GMDS: variants seen among roughly 807,000 people sequenced by gnomAD.
GMDS encodes GDP-mannose 4,6 dehydratase.
In GMDS, 20 loss-of-function variants were observed where a neutral mutation model predicts 49.9. That is an observed-to-expected ratio of 0.40 (90% confidence interval 0.28 to 0.58). The LOEUF is 0.58. Among genes scored for constraint, GMDS ranks in the 20% least tolerant of loss-of-function variants. The pLI, the probability that GMDS is intolerant of heterozygous loss-of-function variation, is 0.42. For synonymous variants in GMDS, 177 were observed against 178.6 expected (o/e 0.99, Z 0.07); for missense variants, 362 against 481.4 (o/e 0.75, Z 2.32).
chr6:1,968,056 TAAAAC>T (rs1382492742), intron 4 of GMDS, among the ~76,000 whole-genome samples: 2 of 152,138 alleles, frequency 1.3e-5, no homozygotes, highest in African/African-American at 4.8e-5. Flanking sequence ...TCACAGCAAA[TAAAAC>T]AAATGACAAC....
intron 1 of GMDS, among the ~76,000 whole-genome samples, chr6:2,193,255 C>T (rs1459041496): frequency 6.6e-6 from 1 of 152,256 alleles, no homozygotes; most frequent in Non-Finnish European, 1.5e-5. Flanking sequence ...TAAAACCTCA[C>T]TCAAGTTATT....
intron 6 of GMDS, among the ~76,000 whole-genome samples, chr6:1,932,253 A>G (rs1483905716): frequency 6.6e-6 from 1 of 152,210 alleles, no homozygotes; most frequent in African/African-American, 2.4e-5. Flanking sequence ...AATGAGGGCT[A>G]TCGCTGATAG....
intron 7 of GMDS, among the ~76,000 whole-genome samples, chr6:1,819,215 C>T (rs915945667): frequency 2.0e-5 from 3 of 152,078 alleles, no homozygotes; most frequent in South Asian, 4.1e-4. Context: ...CTAAGAAAAG[C>T]GGCATGACTA....
chr6:2,032,571 C>T (rs547673350), intron 4 of GMDS, among the ~76,000 whole-genome samples: 55 of 152,180 alleles, frequency 3.6e-4, no homozygotes, highest in African/African-American at 1.3e-3. Flanking sequence ...TTTACTGATG[C>T]CTACTACACA....
intron 2 of GMDS, among the ~76,000 whole-genome samples, chr6:2,121,724 A>G (rs1775148343): frequency 6.6e-6 from 1 of 152,164 alleles, no homozygotes; most frequent in South Asian, 2.1e-4. Context: ...TTATACTTTC[A>G]TTTTGCTTTT....
chr6:1,978,815 AG>A (rs1765064841), intron 4 of GMDS, among the ~76,000 whole-genome samples: 1 of 151,938 alleles, frequency 6.6e-6, no homozygotes, highest in Non-Finnish European at 1.5e-5. Context: ...ACTTCCAACC[AG>A]GGTCTCCAGC....
intron 4 of GMDS, among the ~76,000 whole-genome samples, chr6:2,049,814 T>C (rs1581572858): frequency 6.6e-6 from 1 of 152,204 alleles, no homozygotes; most frequent in Non-Finnish European, 1.5e-5. Context: ...GAAATAAAGA[T>C]GTTCTTTGAA....
chr6:1,656,545 C>T (rs982458075), intron 9 of GMDS, among the ~76,000 whole-genome samples: 8 of 152,024 alleles, frequency 5.3e-5, no homozygotes, highest in Non-Finnish European at 1.0e-4. Context: ...GGGCAGATCA[C>T]GAGGTCAGGA....
At chr6:1,810,079 G>T (rs559481513) in intron 7 of GMDS, among the ~76,000 whole-genome samples, 1 of 151,960 alleles carries the variant, frequency 6.6e-6, no homozygotes, top group Non-Finnish European at 1.5e-5. Context: ...CCCCTGAGCC[G>T]GGGGTGGGGT....
chr6:1,902,824 A>G (rs1007453320), intron 7 of GMDS, among the ~76,000 whole-genome samples: 3 of 152,220 alleles, frequency 2.0e-5, no homozygotes, highest in Non-Finnish European at 4.4e-5. Flanking sequence ...TCTGTTCAGC[A>G]CATAAACTAT....
intron 1 of GMDS, among the ~76,000 whole-genome samples, chr6:2,222,982 G>A (rs552034297): frequency 5.9e-5 from 9 of 152,060 alleles, no homozygotes; most frequent in Non-Finnish European, 1.0e-4. Flanking sequence ...GCCTCCAAGC[G>A]GCCTAGATGT....
chr6:1,799,800 G>A (rs62388416), intron 7 of GMDS, among the ~76,000 whole-genome samples: 60 of 152,082 alleles, frequency 3.9e-4, no homozygotes, highest in Admixed American at 9.8e-4. Context: ...AACAAACTGC[G>A]TACTTTGTTC....
chr6:2,183,624 T>C (rs1259621632), intron 1 of GMDS, among the ~76,000 whole-genome samples: 1 of 152,240 alleles, frequency 6.6e-6, no homozygotes, highest in African/African-American at 2.4e-5. Context: ...AGAAGATTGA[T>C]TCCCTTTTTT....
rs182560275 is a variant in GMDS at position 2,066,053 on chromosome 6, T to A, written c.345+49718A>T. On this transcript the variant is annotated intron_variant, in intron 4 of 10. Coordinates refer to ENST00000380815, the MANE Select transcript of GMDS (RefSeq NM_001500.4). The stretch of plus-strand genomic sequence containing the variant: ...CAGGTTACCCTCAAAGGGAAGCCCA[T>A]CAGACTAAGCGGATCTCTCGGCAGA... Among the ~76,000 whole-genome samples the A allele has an allele frequency of 1.9e-4, 29 of 152,258 alleles. No homozygotes were observed. The East Asian group carries it at 4.4e-3, about 23-fold the overall frequency.
At chr6:1,652,561 TA>T (rs1162068016) in intron 9 of GMDS, among the ~76,000 whole-genome samples, 1 of 23,570 alleles carries the variant, frequency 4.2e-5, no homozygotes, top group East Asian at 2.0e-3. Context: ...ATATTATATA[TA>T]TTATATATAA....
At chr6:1,999,232 G>A (rs1293721762) in intron 4 of GMDS, among the ~76,000 whole-genome samples, 2 of 149,958 alleles carry the variant, frequency 1.3e-5, no homozygotes, top group Non-Finnish European at 3.0e-5. Flanking sequence ...TGAGGCAGGA[G>A]AATCGCTTGA....
intron 9 of GMDS, among the ~76,000 whole-genome samples, chr6:1,651,638 C>T (rs758274460): frequency 3.4e-4 from 52 of 152,176 alleles, no homozygotes; most frequent in Non-Finnish European, 5.0e-4. Context: ...TGGGAGAAAA[C>T]AGATTCAGAT....
intron 4 of GMDS, among the ~76,000 whole-genome samples, chr6:2,062,103 A>C (rs540781309): frequency 6.6e-6 from 1 of 152,298 alleles, no homozygotes; most frequent in South Asian, 2.1e-4. Context: ...GATCAGCACA[A>C]GAAACCAAAG....
intron 4 of GMDS, among the ~76,000 whole-genome samples, chr6:2,054,153 C>T (rs73412553): frequency 0.018 from 2,669 of 152,168 alleles, 52 homozygotes; most frequent in South Asian, 0.094. Context: ...TTCATTAGTT[C>T]TTCAGCCCGA....
Sources: gnomAD v4.1 joint callset for allele counts (sites outside exome capture counted in the v4.1 genomes callset) on GRCh38, gnomAD v4.1.1 for gene constraint, MANE v1.5 for transcripts, NCBI Gene and HGNC (gene_info 2026-07-23, HGNC 2026-07-21) for gene names.